The following OR1J2 variants were observed in gnomAD, a reference collection of about 807,000 sequenced individuals.
OR1J2 encodes olfactory receptor 1J2.
For synonymous variants in OR1J2, 142 were observed against 99.7 expected (o/e 1.42, Z -2.52); for missense variants, 304 against 246.1 (o/e 1.24, Z -1.57).
At chr9:122,448,966 C>T in the OR1J2 span, 1 of 117,564 alleles carries the variant, frequency 8.5e-6, no homozygotes, top group African/African-American at 3.2e-5. Flanking sequence ...AGCAAGACGC[C>T]GTGTCTACAA....
chr9:122,479,203 T>C, the OR1J2 span, among the ~76,000 whole-genome samples: 2 of 152,210 alleles, frequency 1.3e-5, no homozygotes, highest in Non-Finnish European at 2.9e-5. Context: ...TAAGGAGCAT[T>C]GGCTCAGTGA....
chr9:122,490,723 G>A, the OR1J2 span, among the ~76,000 whole-genome samples: 1 of 152,210 alleles, frequency 6.6e-6, no homozygotes, highest in Non-Finnish European at 1.5e-5. Context: ...TTGAACAGGG[G>A]AAGAGGTTCA....
chr9:122,487,035 A>G, the OR1J2 span, among the ~76,000 whole-genome samples: 1 of 152,172 alleles, frequency 6.6e-6, no homozygotes, highest in Admixed American at 6.5e-5. Context: ...GTCCCAGGAA[A>G]AAAACAAATA....
chr9:122,459,627 C>T, the OR1J2 span, among the ~76,000 whole-genome samples: 1 of 152,180 alleles, frequency 6.6e-6, no homozygotes. Context: ...TTGTAATCCT[C>T]ATTTCTCATT....
the OR1J2 span, among the ~76,000 whole-genome samples, chr9:122,501,123 G>T: frequency 6.6e-6 from 1 of 152,098 alleles, no homozygotes; most frequent in African/African-American, 2.4e-5. Context: ...GCTATATTTT[G>T]CTGTTGGGAT....
At chr9:122,518,090 A>T in the OR1J2 span, among the ~76,000 whole-genome samples, 1 of 152,188 alleles carries the variant, frequency 6.6e-6, no homozygotes, top group Non-Finnish European at 1.5e-5. Flanking sequence ...CCAATAGCAA[A>T]GACATGGAAT....
chr9:122,513,701 C>T (rs142688689), downstream of OR1J2, among the ~76,000 whole-genome samples: 1,690 of 151,964 alleles, frequency 0.011, 31 homozygotes, highest in African/African-American at 0.038. Flanking sequence ...TTGCTCCCCA[C>T]CCCCCGACAG....
At chr9:122,509,221 C>G (rs898445867), upstream of OR1J2, among the ~76,000 whole-genome samples, 27 of 152,140 alleles carry the variant, frequency 1.8e-4, no homozygotes, top group African/African-American at 6.5e-4. Flanking sequence ...ATGTGGACAT[C>G]TTTGGGGGTT....
chr9:122,514,022 A>C (rs1345803274), downstream of OR1J2, among the ~76,000 whole-genome samples: 1 of 152,286 alleles, frequency 6.6e-6, no homozygotes, highest in Non-Finnish European at 1.5e-5. Context: ...ATAGAAATGC[A>C]AACATGGTGA....
chr9:122,511,814 G>A (rs1828644285), downstream of OR1J2: 2 of 728,984 alleles, frequency 2.7e-6, no homozygotes, highest in Admixed American at 1.9e-5. Flanking sequence ...ATTTGAATAT[G>A]TCTCAAAACA....
the OR1J2 span, chr9:122,477,679 A>C: frequency 3.1e-6 from 5 of 1,614,228 alleles, no homozygotes; most frequent in Admixed American, 8.3e-5. Context: ...CTGCATGTTC[A>C]TCAGCATCTT....
At chr9:122,572,471 GGAA>G in the OR1J2 span, among the ~76,000 whole-genome samples, 1 of 152,138 alleles carries the variant, frequency 6.6e-6, no homozygotes, top group Non-Finnish European at 1.5e-5. Flanking sequence ...CGGGGAAAAA[GGAA>G]GAAGGTTTAG....
the OR1J2 span, among the ~76,000 whole-genome samples, chr9:122,562,600 C>T: frequency 6.6e-6 from 1 of 151,698 alleles, no homozygotes; most frequent in Admixed American, 6.6e-5. Context: ...GGTGGGCTGC[C>T]ACACCACACT....
At chr9:122,452,582 A>G in the OR1J2 span, among the ~76,000 whole-genome samples, 1 of 152,176 alleles carries the variant, frequency 6.6e-6, no homozygotes, top group Non-Finnish European at 1.5e-5. Flanking sequence ...GAGTTGGGTA[A>G]CATGCATAGT....
At chr9:122,569,578 AT>A in the OR1J2 span, among the ~76,000 whole-genome samples, 888 of 77,770 alleles carry the variant, frequency 0.011, 7 homozygotes, top group African/African-American at 0.043. Flanking sequence ...ATTTTTAGAT[AT>A]TGGTTATTTA....
At chr9:122,559,573 G>T in the OR1J2 span, among the ~76,000 whole-genome samples, 41,443 of 151,954 alleles carry the variant, frequency 0.27, 5,819 homozygotes, top group Middle Eastern at 0.34. Context: ...TGCCTTAATT[G>T]CATTATTTAC....
the OR1J2 span, chr9:122,553,931 C>T: frequency 2.5e-6 from 4 of 1,613,820 alleles, no homozygotes; most frequent in Middle Eastern, 1.6e-4. Context: ...GATGGAAGGC[C>T]TTCTCTACCT....
At chr9:122,526,684 C>T in the OR1J2 span, 22 of 1,614,120 alleles carry the variant, frequency 1.4e-5, no homozygotes, top group African/African-American at 2.7e-5. Flanking sequence ...ACGATGAGTA[C>T]GGTGCCTCCC....
At chr9:122,480,229 AAT>A in the OR1J2 span, among the ~76,000 whole-genome samples, 1 of 152,204 alleles carries the variant, frequency 6.6e-6, no homozygotes, top group Non-Finnish European at 1.5e-5. Flanking sequence ...AATGAAGAAA[AAT>A]ATAGAGCTTA....
Sources: allele counts gnomAD v4.1 joint callset (sites outside exome capture counted in the v4.1 genomes callset), GRCh38; gene constraint gnomAD v4.1.1; transcripts MANE v1.5; gene names NCBI Gene and HGNC (gene_info 2026-07-23, HGNC 2026-07-21).